SASH1: variants seen among roughly 807,000 people sequenced by gnomAD.
SASH1 encodes the protein SAM and SH3 domain containing 1.
In SASH1, 44 loss-of-function variants were observed where a neutral mutation model predicts 125.2. That is an observed-to-expected ratio of 0.35 (90% CI 0.28 to 0.45). The LOEUF is 0.45. SASH1 is among the 20% of genes least tolerant of loss of function. The pLI is 1.00. For synonymous variants in SASH1, 639 were observed against 649.1 expected (o/e 0.98, Z 0.24); for missense variants, 1,426 against 1,614.5 (o/e 0.88, Z 2.00).
At chr6:148,397,546 AT>A (rs1480974451) in intron 2 of SASH1, among the ~76,000 whole-genome samples, 1 of 152,208 alleles carries the variant, frequency 6.6e-6, no homozygotes, top group African/African-American at 2.4e-5. Flanking sequence ...TGTCAGTTGT[AT>A]AACTTCATCA....
At chr6:148,245,326 C>A in the SASH1 span, among the ~76,000 whole-genome samples, 3 of 152,116 alleles carry the variant, frequency 2.0e-5, no homozygotes, top group African/African-American at 7.2e-5. Context: ...AAAATCGGTT[C>A]TTGGTATTAT....
intron 2 of SASH1, among the ~76,000 whole-genome samples, chr6:148,399,992 T>G (rs974754760): frequency 6.6e-6 from 1 of 152,234 alleles, no homozygotes; most frequent in Non-Finnish European, 1.5e-5. Flanking sequence ...ACAGTATAAT[T>G]TATTTAGGCT....
rs1007730177 is a variant in SASH1 at position 148,512,033 on chromosome 6, T to A, written c.730-2291T>A. Among the ~76,000 whole-genome samples the A allele has an allele frequency of 5.2e-4, 37 of 71,452 alleles. No individual in the cohort carries two copies. The East Asian group carries it at 5.5e-3, about 11-fold the overall frequency. 46.9% of individuals were successfully genotyped at this position (71,452 alleles called of 152,430 possible). A position where few individuals can be genotyped will look rare whatever the true frequency, so the allele number is the denominator to read the frequency against. Reference sequence around the variant, plus strand: ...TATTTATTTATTTATTTATTTATTTTTTTGAGACAGAGTCTCGCTCTGTCG... The same window carrying A: ...TATTTATTTATTTATTTATTTATTTATTTGAGACAGAGTCTCGCTCTGTCG... On this transcript the variant is annotated intron_variant, in intron 8 of 19. Coordinates refer to ENST00000367467, the MANE Select transcript of SASH1 (RefSeq NM_015278.5).
chr6:148,252,797 A>G, the SASH1 span, among the ~76,000 whole-genome samples: 1 of 151,834 alleles, frequency 6.6e-6, no homozygotes, highest in Non-Finnish European at 1.5e-5. Context: ...ATTATTAATA[A>G]CTCTTAGGAT....
chr6:148,324,945 T>C (rs1335401480), intron 1 of SASH1, among the ~76,000 whole-genome samples: 2 of 152,206 alleles, frequency 1.3e-5, no homozygotes, highest in Non-Finnish European at 2.9e-5. Flanking sequence ...ATGATGGTGC[T>C]TCTGCTTCCA....
chr6:148,304,432 C>CA (rs1407700167), intron 1 of SASH1, among the ~76,000 whole-genome samples: 4,936 of 95,262 alleles, frequency 0.052, 118 homozygotes, highest in Non-Finnish European at 0.071. Flanking sequence ...GACTCCGTCT[C>CA]AAAAAAAAAA....
At chr6:148,245,759 G>A in the SASH1 span, among the ~76,000 whole-genome samples, 4 of 151,996 alleles carry the variant, frequency 2.6e-5, no homozygotes, top group African/African-American at 4.8e-5. Context: ...AGGCCAAGGC[G>A]GGTGGATCAC....
chr6:148,431,792 TAG>T (rs1776071936), intron 2 of SASH1, among the ~76,000 whole-genome samples: 1 of 151,856 alleles, frequency 6.6e-6, no homozygotes, highest in Admixed American at 6.6e-5. Context: ...TGCAAATAGT[TAG>T]AGTCTCTTTG....
the SASH1 span, among the ~76,000 whole-genome samples, chr6:148,242,642 C>G: frequency 6.6e-6 from 1 of 152,154 alleles, no homozygotes; most frequent in South Asian, 2.1e-4. Flanking sequence ...TAAGAGATGA[C>G]CTCAATATTC....
chr6:148,302,255 TG>T (rs1445936287), intron 1 of SASH1, among the ~76,000 whole-genome samples: 1 of 127,496 alleles, frequency 7.8e-6, no homozygotes, highest in African/African-American at 3.1e-5. Context: ...GAGCTTGGAG[TG>T]AGCCGAGATC....
At position 148,367,409 on chromosome 6, in the gene SASH1, T is replaced by G. The variant is rs576088468; in HGVS notation, c.157-22725T>G. Among the ~76,000 whole-genome samples, 4 of 151,126 alleles carry G rather than the reference T, an allele frequency of 2.6e-5. No homozygotes were observed. The South Asian group carries it at 6.3e-4, about 24-fold the overall frequency. On this transcript the variant is annotated intron_variant, in intron 1 of 19. Transcript: ENST00000367467. ...TGTCTGAGCCACCGCTTAGCTTGGT[T>G]TTTAGTTGCATGGCTGCCAAAGAAT... is the stretch of plus-strand genomic sequence containing the variant.
chr6:148,343,638 C>T (rs1019772770), intron 1 of SASH1, among the ~76,000 whole-genome samples: 1 of 152,180 alleles, frequency 6.6e-6, no homozygotes, highest in Non-Finnish European at 1.5e-5. Context: ...ACAAACATTT[C>T]CTTACTCAGA....
At chr6:148,196,851 A>G in the SASH1 span, among the ~76,000 whole-genome samples, 1 of 152,100 alleles carries the variant, frequency 6.6e-6, no homozygotes, top group Admixed American at 6.6e-5. Flanking sequence ...AGAAGGTTTC[A>G]TGATGGAAAT....
At chr6:148,338,989 G>C (rs1297059554), upstream of SASH1, among the ~76,000 whole-genome samples, 1 of 138,048 alleles carries the variant, frequency 7.2e-6, no homozygotes, top group Admixed American at 7.8e-5. Flanking sequence ...TGGGCAATGA[G>C]CGAGACTCTG....
intron 8 of SASH1, chr6:148,508,920 T>A: frequency 9.3e-7 from 1 of 1,076,394 alleles, no homozygotes; most frequent in Non-Finnish European, 1.3e-6. Context: ...AGAATGTGTT[T>A]TCTGTTGCTT....
chr6:148,537,831 T>TGTGG (rs1491316465), intron 16 of SASH1, among the ~76,000 whole-genome samples: 1 of 132,604 alleles, frequency 7.5e-6, no homozygotes, highest in Admixed American at 7.9e-5. Context: ...TGTGTGTGTG[T>TGTGG]GGTTGGTGAG....
the SASH1 span, among the ~76,000 whole-genome samples, chr6:148,205,696 G>A: frequency 1.3e-5 from 2 of 152,168 alleles, no homozygotes; most frequent in African/African-American, 4.8e-5. Flanking sequence ...CTGACCAACA[G>A]GTAGTCATCA....
intron 1 of SASH1, among the ~76,000 whole-genome samples, chr6:148,322,963 C>T (rs13211998): frequency 2.1e-5 from 3 of 145,874 alleles, no homozygotes; most frequent in Non-Finnish European, 4.5e-5. Context: ...CCCTCCCTCC[C>T]TCTCTACTTC....
chr6:148,202,745 G>A, the SASH1 span, among the ~76,000 whole-genome samples: 1 of 152,164 alleles, frequency 6.6e-6, no homozygotes, highest in Non-Finnish European at 1.5e-5. Context: ...ACCTGAGTCA[G>A]GAGTTCCAGA....
Sources: gnomAD v4.1 joint callset for allele counts (sites outside exome capture counted in the v4.1 genomes callset) on GRCh38, gnomAD v4.1.1 for gene constraint, MANE v1.5 for transcripts, NCBI Gene and HGNC (gene_info 2026-07-23, HGNC 2026-07-21) for gene names.